PAX5: variants seen among roughly 807,000 people sequenced by gnomAD.
PAX5 encodes paired box protein Pax-5.
In PAX5, 9 loss-of-function variants were observed where a neutral mutation model predicts 43.7. That is an observed-to-expected ratio of 0.21 (90% confidence interval 0.12 to 0.36). The LOEUF (loss-of-function observed/expected upper bound fraction) is 0.36. Among genes scored for constraint, PAX5 ranks in the 10% least tolerant of loss-of-function variants. PAX5 has a pLI of 1.00. For missense variants in PAX5, 383 were observed against 532.7 expected (o/e 0.72, Z 2.77); for synonymous variants, 228 against 214.3 (o/e 1.06, Z -0.56).
intron 6 of PAX5, among the ~76,000 whole-genome samples, chr9:36,940,378 T>A (rs1831947243): frequency 6.6e-6 from 1 of 152,142 alleles, no homozygotes; most frequent in South Asian, 2.1e-4. Context: ...CTTGGGACCA[T>A]AAATAATAAT....
intron 6 of PAX5, among the ~76,000 whole-genome samples, chr9:36,953,531 C>G (rs540634323): frequency 4.3e-4 from 65 of 152,094 alleles, no homozygotes; most frequent in Middle Eastern, 3.4e-3. Context: ...ATTCTTTTTT[C>G]TCTTTGCTTT....
At chr9:37,017,372 A>C (rs1357273521) in intron 2 of PAX5, among the ~76,000 whole-genome samples, 2 of 152,342 alleles carry the variant, frequency 1.3e-5, no homozygotes, top group East Asian at 3.9e-4. Flanking sequence ...ACCTGACTCT[A>C]AATTCAGTGC....
intron 6 of PAX5, among the ~76,000 whole-genome samples, chr9:36,956,898 GT>G (rs1469913578): frequency 1.3e-5 from 2 of 152,190 alleles, no homozygotes; most frequent in Non-Finnish European, 2.9e-5. Flanking sequence ...AATAATCCTT[GT>G]GATTATCTCA....
At chr9:37,005,391 G>A (rs909509580) in intron 4 of PAX5, among the ~76,000 whole-genome samples, 9 of 152,350 alleles carry the variant, frequency 5.9e-5, no homozygotes, top group Admixed American at 4.6e-4. Context: ...TACTAAATGA[G>A]GAATTATTTC....
At chr9:36,856,049 T>C (rs1823638728) in intron 8 of PAX5, among the ~76,000 whole-genome samples, 1 of 152,212 alleles carries the variant, frequency 6.6e-6, no homozygotes, top group South Asian at 2.1e-4. Context: ...TTTCCCCTGC[T>C]GTTGGGTCTG....
chr9:36,946,944 T>A (rs1017882128), intron 6 of PAX5, among the ~76,000 whole-genome samples: 2 of 152,178 alleles, frequency 1.3e-5, no homozygotes, highest in Non-Finnish European at 2.9e-5. Flanking sequence ...TGATTACTTT[T>A]TCCAAATCCC....
chr9:37,026,290 T>C (rs1442287537), intron 1 of PAX5, among the ~76,000 whole-genome samples: 1 of 152,230 alleles, frequency 6.6e-6, no homozygotes, highest in Admixed American at 6.5e-5. Flanking sequence ...GCCGGAGCCT[T>C]GAAAGGCTGC....
intron 5 of PAX5, among the ~76,000 whole-genome samples, chr9:36,975,683 C>A (rs1199898295): frequency 1.3e-5 from 2 of 152,198 alleles, no homozygotes; most frequent in Non-Finnish European, 2.9e-5. Flanking sequence ...CCACGCCCAG[C>A]CTTGAGCAAC....
chr9:36,842,927 G>A (rs1295483744), intron 9 of PAX5, among the ~76,000 whole-genome samples: 1 of 152,192 alleles, frequency 6.6e-6, no homozygotes, highest in Non-Finnish European at 1.5e-5. Context: ...CCATTCCTGG[G>A]AAGGAGGCTT....
At chr9:37,017,200 G>T (rs1588238833) in intron 2 of PAX5, among the ~76,000 whole-genome samples, 1 of 152,246 alleles carries the variant, frequency 6.6e-6, no homozygotes, top group East Asian at 1.9e-4. Flanking sequence ...CTATAATTCA[G>T]CCACAGCACC....
At position 36,873,736 on chromosome 9, in the gene PAX5, C is replaced by T. The variant is rs140340722; in HGVS notation, c.1012+8268G>A. On this transcript the variant is annotated intron_variant, in intron 8 of 9. Transcript: ENST00000358127. ...CCATCTGATGCTCAAATCCCCACCA[C>T]CAAGTTCTCACCAGTGTCCGCTGGA... Among the ~76,000 whole-genome samples the T allele has an allele frequency of 1.1e-3, 170 of 152,354 alleles. 4 individuals carry two copies. In the East Asian group the frequency reaches 0.03, roughly 27 times the overall value.
chr9:36,979,116 T>A (rs1486305795), intron 5 of PAX5, among the ~76,000 whole-genome samples: 1 of 152,250 alleles, frequency 6.6e-6, no homozygotes, highest in Non-Finnish European at 1.5e-5. Flanking sequence ...GGCTTATTGC[T>A]TCTTCATTTC....
intron 5 of PAX5, among the ~76,000 whole-genome samples, chr9:36,995,477 G>A (rs745859323): frequency 1.6e-4 from 24 of 152,226 alleles, no homozygotes; most frequent in Non-Finnish European, 2.2e-4. Flanking sequence ...GCGGGGGGAC[G>A]TGTGGGCAGC....
chr9:36,981,551 C>T (rs1292591806), intron 5 of PAX5, among the ~76,000 whole-genome samples: 2 of 152,092 alleles, frequency 1.3e-5, no homozygotes, highest in African/African-American at 4.8e-5. Context: ...GCTCCCCTTC[C>T]ATGCCTTGCC....
chr9:36,842,029 C>T (rs1587723145), intron 9 of PAX5, among the ~76,000 whole-genome samples: 1 of 152,282 alleles, frequency 6.6e-6, no homozygotes, highest in Non-Finnish European at 1.5e-5. Context: ...CGATGTGCTG[C>T]TCCCTCCCCA....
intron 8 of PAX5, among the ~76,000 whole-genome samples, chr9:36,870,055 GATAA>G (rs1335489280): frequency 6.4e-5 from 3 of 46,622 alleles, no homozygotes; most frequent in African/African-American, 1.5e-4. Flanking sequence ...TGGATGGATG[GATAA>G]ATGGATGGAT....
chr9:36,902,532 C>G (rs917204683), intron 7 of PAX5, among the ~76,000 whole-genome samples: 27 of 152,168 alleles, frequency 1.8e-4, no homozygotes, highest in African/African-American at 6.3e-4. Context: ...GTGCTCAGGC[C>G]ACAGAGAAAC....
intron 8 of PAX5, among the ~76,000 whole-genome samples, chr9:36,870,753 G>T (rs1312256764): frequency 1.3e-4 from 20 of 152,206 alleles, no homozygotes. Context: ...TCTTGGCTGG[G>T]ACACCAACCT....
chr9:36,981,149 A>C (rs1835879053), intron 5 of PAX5, among the ~76,000 whole-genome samples: 1 of 148,540 alleles, frequency 6.7e-6, no homozygotes, highest in Admixed American at 6.7e-5. Context: ...CTCAAACGTC[A>C]GCTCATCAGT....
Sources: allele counts gnomAD v4.1 joint callset (sites outside exome capture counted in the v4.1 genomes callset), GRCh38; gene constraint gnomAD v4.1.1; transcripts MANE v1.5; gene names NCBI Gene and HGNC (gene_info 2026-07-23, HGNC 2026-07-21).